Variants in ESR1 observed in about 807,000 individuals in gnomAD.
ESR1 encodes estrogen receptor.
ESR1 carries 12 observed loss-of-function variants against 52.7 expected under a neutral mutation model. The ratio of observed to expected loss-of-function variants is 0.23; its 90% CI spans 0.15 to 0.37. The LOEUF (loss-of-function observed/expected upper bound fraction) is 0.37. Among genes scored for constraint, ESR1 ranks in the 10% least tolerant of loss-of-function variants. ESR1 has a pLI of 1.00. For missense variants in ESR1, 584 were observed against 779.7 expected, an observed-to-expected ratio of 0.75 and a Z score of 2.99; for synonymous variants, 305 against 316.8, an observed-to-expected ratio of 0.96 and a Z score of 0.39.
chr6:151,910,899 G>A (rs367905630), intron 3 of ESR1, among the ~76,000 whole-genome samples: 23 of 152,248 alleles, frequency 1.5e-4, no homozygotes, highest in African/African-American at 4.8e-4. Context: ...TATTTCCATG[G>A]ATTGCAGCGG....
At chr6:151,817,753 G>A (rs938838214) in intron 1 of ESR1, among the ~76,000 whole-genome samples, 4 of 152,172 alleles carry the variant, frequency 2.6e-5, no homozygotes, top group South Asian at 2.1e-4. Flanking sequence ...TGTATAATTC[G>A]ATTTTTGTTA....
At chr6:152,059,384 C>T (rs925863923) in intron 5 of ESR1, among the ~76,000 whole-genome samples, 14 of 151,370 alleles carry the variant, frequency 9.2e-5, no homozygotes, top group Admixed American at 3.3e-4. Context: ...ATGAAACGTT[C>T]GATAAATTTA....
In ESR1 at chr6:152,094,343, C is replaced by T. The variant is rs1325500460; in HGVS notation, c.1370-42C>T. On this transcript the variant is annotated intron_variant, in intron 6 of 7. Coordinates refer to ENST00000206249, the MANE Select transcript of ESR1 (RefSeq NM_000125.4). The surrounding 1 kb of genome is among the most constrained non-coding windows in gnomAD (Gnocchi z 4.6). ...CACTCTGGGTCTCCTAGACCTCATCCTCTTTGAGCTTCTCTCTCTCACTCT... is the reference window on the plus strand; with the variant it reads ...CACTCTGGGTCTCCTAGACCTCATCTTCTTTGAGCTTCTCTCTCTCACTCT... 3 of 1,583,758 alleles carry T rather than the reference C, an allele frequency of 1.9e-6. No homozygotes were observed. Among genetic ancestry groups the T allele is most frequent in the African/African-American group, 2.7e-5 (2 of 74,270 alleles).
Position 152,099,817 on chromosome 6 carries a change from A to G in ESR1, c.*851A>G. ...AGCCCTCCCTCCCTGAACTTGCAGT[A>G]AGGTCAGCTTCAGGACCTGTTCCAG... On this transcript the variant is annotated 3_prime_UTR_variant, in exon 8 of 8. Transcript: ENST00000206249. 2.5e-6 allele frequency: 1 copy of G among 395,372 alleles called. No individual in the cohort carries two copies. The highest frequency in any genetic ancestry group is 1.4e-4 in the South Asian group (1 of 6,996). 24.5% of individuals were successfully genotyped at this position (395,372 alleles called of 1,614,324 possible).
intron 3 of ESR1, among the ~76,000 whole-genome samples, chr6:151,927,813 G>T (rs1020790348): frequency 2.6e-5 from 4 of 151,978 alleles, no homozygotes; most frequent in African/African-American, 9.7e-5. Context: ...TGCCTCTTGG[G>T]TTCAAGTGAT....
At chr6:151,850,018 A>G (rs1481813393) in intron 2 of ESR1, among the ~76,000 whole-genome samples, 1 of 125,002 alleles carries the variant, frequency 8.0e-6, no homozygotes, top group Non-Finnish European at 1.6e-5. Context: ...TTTTGTATAT[A>G]TATACAAAAT....
At chr6:152,009,033 C>A (rs1296060089) in intron 4 of ESR1, among the ~76,000 whole-genome samples, 1 of 152,060 alleles carries the variant, frequency 6.6e-6, no homozygotes, top group Non-Finnish European at 1.5e-5. Flanking sequence ...TCCTTGAGAG[C>A]AAGACTAGTT....
intron 2 of ESR1, among the ~76,000 whole-genome samples, chr6:151,766,714 C>G (rs1660815148): frequency 6.6e-6 from 1 of 152,024 alleles, no homozygotes. Context: ...CTTTTAAACT[C>G]TAATACATGA....
chr6:151,887,852 G>T (rs904998989), intron 3 of ESR1, among the ~76,000 whole-genome samples: 24 of 152,050 alleles, frequency 1.6e-4, no homozygotes, highest in African/African-American at 5.6e-4. Flanking sequence ...TCCAGGTTGA[G>T]TTGATTTTTG....
chr6:152,111,394 T>A (rs903344649), intron 6 of ESR1, among the ~76,000 whole-genome samples: 5 of 152,186 alleles, frequency 3.3e-5, no homozygotes, highest in African/African-American at 1.2e-4. Context: ...CAAGAGCCAG[T>A]CGCCCCAAGG....
At chr6:152,115,066 C>G (rs2051194551) in intron 6 of ESR1, among the ~76,000 whole-genome samples, 1 of 152,046 alleles carries the variant, frequency 6.6e-6, no homozygotes, top group Admixed American at 6.6e-5. Context: ...TTTCCCCACT[C>G]TGACTGCAGT....
intron 6 of ESR1, among the ~76,000 whole-genome samples, chr6:152,109,820 G>A (rs1363028362): frequency 6.6e-6 from 1 of 152,214 alleles, no homozygotes; most frequent in Non-Finnish European, 1.5e-5. Flanking sequence ...TAGATAACCT[G>A]GGGTGCCGGT....
chr6:151,807,683 G>C lies in ESR1; in HGVS notation c.-230G>C. ...AAGTTGGAGGCCCGGGAGCCCAGGA[G>C]CTGGCGGAGGGCGTTCGTCCTGGGA... On this transcript the variant is annotated 5_prime_UTR_variant, in exon 1 of 8. Transcript: ENST00000206249. The C allele has an allele frequency of 1.7e-6, 1 of 605,384 alleles. No homozygotes were observed. Among genetic ancestry groups the C allele is most frequent in the South Asian group, 1.9e-5 (1 of 51,698 alleles). 37.5% of individuals were successfully genotyped at this position (605,384 alleles called of 1,614,324 possible).
chr6:152,004,586 C>T (rs1340344128), intron 4 of ESR1, among the ~76,000 whole-genome samples: 1 of 151,730 alleles, frequency 6.6e-6, no homozygotes, highest in African/African-American at 2.4e-5. Flanking sequence ...GTAGAATTAT[C>T]ATAAACAATC....
In ESR1 at chr6:152,102,068, A is replaced by G. The variant is rs1452495269; in HGVS notation, c.*3102A>G. The G allele has an allele frequency of 9.4e-6, 2 of 213,876 alleles. No individual in the cohort carries two copies. Among genetic ancestry groups the G allele is most frequent in the Non-Finnish European group, 1.9e-5 (2 of 105,630 alleles). The allele number at this position is 213,876 out of a possible 1,614,324, so 13.2% of individuals were successfully genotyped here. A position where few individuals can be genotyped will look rare whatever the true frequency, so the allele number is the denominator to read the frequency against. On this transcript the variant is annotated 3_prime_UTR_variant, in exon 8 of 8. Coordinates refer to ENST00000206249, the MANE Select transcript of ESR1 (RefSeq NM_000125.4). ...CTAGGTCATCCAAAGAGAAGACCCT[A>G]TCAATGTAGGTTGCAAAATCTAACC...
At chr6:152,104,706 C>A (rs1342517947), downstream of ESR1, among the ~76,000 whole-genome samples, 2 of 152,156 alleles carry the variant, frequency 1.3e-5, no homozygotes, top group African/African-American at 2.4e-5. Context: ...AATATTTGGT[C>A]TTTGACCCTG....
intron 4 of ESR1, among the ~76,000 whole-genome samples, chr6:151,978,357 G>A (rs768031888): frequency 2.6e-5 from 4 of 152,182 alleles, no homozygotes; most frequent in Non-Finnish European, 5.9e-5. Context: ...TGGTCAATAC[G>A]AACATTAGGA....
chr6:151,703,621 C>T lies in ESR1; in HGVS notation c.-71+1616C>T, dbSNP rs140953508. ...CAGTGAGTTTGATTCCTCTTTTGGG[C>T]AGCAGGGAGAGATAATGAAGGAGGG... On this transcript the variant is annotated intron_variant, in intron 2 of 2. Coordinates refer to the ESR1 transcript ENST00000404742. Among the ~76,000 whole-genome samples the T allele has an allele frequency of 1.5e-3, 234 of 152,168 alleles. 2 individuals carry two copies. The highest frequency in any genetic ancestry group is 7.5e-3 in the East Asian group (39 of 5,174).
intron 2 of ESR1, among the ~76,000 whole-genome samples, chr6:151,772,064 T>C (rs1158740041): frequency 1.3e-5 from 2 of 152,188 alleles, no homozygotes; most frequent in Admixed American, 1.3e-4. Context: ...CTCATTTTGG[T>C]TTTGTTACTA....
Sources: gnomAD v4.1 joint callset for allele counts (sites outside exome capture counted in the v4.1 genomes callset) on GRCh38, gnomAD v4.1.1 for gene constraint, Gnocchi (gnomAD v3.1) non-coding constraint, MANE v1.5 for transcripts, NCBI Gene and HGNC (gene_info 2026-07-23, HGNC 2026-07-21) for gene names.